Variants in GALNT7 observed in about 807,000 individuals in gnomAD.
The protein encoded by GALNT7 is polypeptide N-acetylgalactosaminyltransferase 7, also known as N-acetylgalactosaminyltransferase 7.
Under a neutral mutation model 82.1 loss-of-function variants are expected in GALNT7, and 60 were observed. The ratio of observed to expected loss-of-function variants is 0.73; its 90% CI spans 0.59 to 0.91. The LOEUF (loss-of-function observed/expected upper bound fraction) is 0.91, where lower values mean the gene tolerates loss of function less well. Among genes scored for constraint, GALNT7 ranks in the 40% least tolerant of loss-of-function variants. The pLI, the probability that GALNT7 is intolerant of heterozygous loss-of-function variation, is 0.00. For synonymous variants in GALNT7, 243 were observed against 275.1 expected (o/e 0.88, Z 1.15); for missense variants, 660 against 804.2 (o/e 0.82, Z 2.17).
Position 173,224,451 on chromosome 4 carries a change from A to C in GALNT7, c.127-23529A>C, listed in dbSNP as rs1200774534. Among the ~76,000 whole-genome samples, 32 of 152,232 alleles carry C rather than the reference A, an allele frequency of 2.1e-4. 1 individual carries two copies. Among genetic ancestry groups the C allele is most frequent in the Admixed American group, 2.0e-3 (31 of 15,284 alleles). On this transcript the variant is annotated intron_variant, in intron 1 of 11. Transcript: ENST00000265000. ...ATAAATCAAGCTCTAAGTGTTAGGC[A>C]TACCTATTGTACTTGTATCTTTGCT...
rs28455820 is a variant in GALNT7 at position 173,274,983 on chromosome 4, C to T, written c.588-17125C>T. ...GTGACTCCACGGTCATAGGACCTGA[C>T]GCCTCTAATGTCCTCACCAAAAGGA... On this transcript the variant is annotated intron_variant, in intron 2 of 11. Coordinates refer to ENST00000265000, the MANE Select transcript of GALNT7 (RefSeq NM_017423.3). Among the ~76,000 whole-genome samples the T allele has an allele frequency of 2.7e-3, 404 of 152,280 alleles. 3 individuals carry two copies. The highest frequency in any genetic ancestry group is 9.2e-3 in the African/African-American group (383 of 41,576).
chr4:173,216,723 A>T (rs139755503), intron 1 of GALNT7, among the ~76,000 whole-genome samples: 905 of 8,382 alleles, frequency 0.11, 24 homozygotes, highest in African/African-American at 0.15. Context: ...ATATATATAT[A>T]TATATTTTTT....
intron 2 of GALNT7, among the ~76,000 whole-genome samples, chr4:173,281,032 C>A (rs890833844): frequency 6.6e-6 from 1 of 152,160 alleles, no homozygotes; most frequent in Non-Finnish European, 1.5e-5. Context: ...CCAATCCAGT[C>A]GGCCCAAAAT....
intron 1 of GALNT7, among the ~76,000 whole-genome samples, chr4:173,240,329 G>A (rs1414047418): frequency 6.7e-6 from 1 of 149,084 alleles, no homozygotes; most frequent in Non-Finnish European, 1.5e-5. Context: ...TTGAAATAGA[G>A]ATGGCAATGG....
intron 1 of GALNT7, among the ~76,000 whole-genome samples, chr4:173,227,141 T>G (rs1166934130): frequency 2.0e-5 from 3 of 152,214 alleles, no homozygotes. Flanking sequence ...ATTTACCATG[T>G]ATATCTACCA....
chr4:173,210,107 C>T (rs1353148602), intron 1 of GALNT7, among the ~76,000 whole-genome samples: 1 of 151,744 alleles, frequency 6.6e-6, no homozygotes, highest in Non-Finnish European at 1.5e-5. Context: ...GCACTCCAGC[C>T]TGGGCAACAG....
chr4:173,198,065 CTT>C (rs5864190), intron 1 of GALNT7, among the ~76,000 whole-genome samples: 36,782 of 148,498 alleles, frequency 0.25, 5,165 homozygotes, highest in Admixed American at 0.34. Flanking sequence ...TGGATTGTTT[CTT>C]TTTTTTTTTT....
intron 1 of GALNT7, among the ~76,000 whole-genome samples, chr4:173,197,775 G>A (rs1195946483): frequency 1.3e-5 from 2 of 152,092 alleles, no homozygotes; most frequent in Admixed American, 1.3e-4. Flanking sequence ...GACGTGGGGT[G>A]CAATAATGGG....
chr4:173,196,960 G>A (rs1036158521), intron 1 of GALNT7, among the ~76,000 whole-genome samples: 22 of 151,656 alleles, frequency 1.5e-4, no homozygotes, highest in African/African-American at 5.3e-4. Flanking sequence ...CCAGTTTAAT[G>A]CATATAGAAT....
chr4:173,194,966 A>AT (rs1319956927), intron 1 of GALNT7, among the ~76,000 whole-genome samples: 1 of 152,144 alleles, frequency 6.6e-6, no homozygotes, highest in Non-Finnish European at 1.5e-5. Context: ...TCTGGCTTAG[A>AT]TTTTCTTAGC....
intron 1 of GALNT7, among the ~76,000 whole-genome samples, chr4:173,170,896 G>A (rs1273746921): frequency 6.6e-6 from 1 of 152,166 alleles, no homozygotes; most frequent in Admixed American, 6.6e-5. Flanking sequence ...TGCAAACAAA[G>A]GATGGGCCAT....
chr4:173,170,626 G>A (rs1731829213), intron 1 of GALNT7, among the ~76,000 whole-genome samples: 1 of 152,188 alleles, frequency 6.6e-6, no homozygotes, highest in Non-Finnish European at 1.5e-5. Flanking sequence ...TGGAGTGATG[G>A]TGATCTTTTT....
chr4:173,185,135 A>G (rs2126634409), intron 1 of GALNT7, among the ~76,000 whole-genome samples: 1 of 152,342 alleles, frequency 6.6e-6, no homozygotes, highest in East Asian at 1.9e-4. Context: ...CAAAACAAAA[A>G]TCACCGTGCT....
chr4:173,233,839 CA>C (rs2126713324), intron 1 of GALNT7, among the ~76,000 whole-genome samples: 1 of 152,294 alleles, frequency 6.6e-6, no homozygotes, highest in South Asian at 2.1e-4. Context: ...CTATTAAAAA[CA>C]AACTAAATTT....
chr4:173,285,155 A>T (rs1736278191), intron 2 of GALNT7, among the ~76,000 whole-genome samples: 1 of 152,240 alleles, frequency 6.6e-6, no homozygotes, highest in Non-Finnish European at 1.5e-5. Flanking sequence ...ATCTCTAGGC[A>T]AAATGGACAT....
intron 2 of GALNT7, among the ~76,000 whole-genome samples, chr4:173,291,053 C>T (rs143471473): frequency 9.1e-4 from 139 of 152,304 alleles, no homozygotes; most frequent in Non-Finnish European, 1.4e-3. Flanking sequence ...GCCCTTTTCC[C>T]CAAGTTGCTA....
In GALNT7 at chr4:173,196,566, G is replaced by A. The variant is rs963275052; in HGVS notation, c.126+27605G>A. ...TTTTTTTCTTCAACTTTTAAGTTCC[G>A]GGTTGCATGTGCAGGATGTACAGGT... is the stretch of plus-strand genomic sequence containing the variant. On this transcript the variant is annotated intron_variant, in intron 1 of 11. Transcript: ENST00000265000. Among the ~76,000 whole-genome samples the A allele has an allele frequency of 6.6e-5, 10 of 152,164 alleles. No individual in the cohort carries two copies. In the East Asian group the frequency reaches 7.7e-4, roughly 12 times the overall value.
intron 1 of GALNT7, among the ~76,000 whole-genome samples, chr4:173,174,613 C>T (rs1207859469): frequency 6.6e-6 from 1 of 152,114 alleles, no homozygotes; most frequent in Non-Finnish European, 1.5e-5. Context: ...GCTTGCCCCT[C>T]CCCCATCCCC....
chr4:173,195,911 T>C (rs1215884132), intron 1 of GALNT7, among the ~76,000 whole-genome samples: 1 of 152,214 alleles, frequency 6.6e-6, no homozygotes, highest in Non-Finnish European at 1.5e-5. Flanking sequence ...ATGCCTCTTA[T>C]TAATGTTGTA....
Sources: gnomAD v4.1 joint callset for allele counts (sites outside exome capture counted in the v4.1 genomes callset) on GRCh38, gnomAD v4.1.1 for gene constraint, MANE v1.5 for transcripts, NCBI Gene and HGNC (gene_info 2026-07-23, HGNC 2026-07-21) for gene names.